Variants in SRRM4 observed in about 807,000 individuals in gnomAD.
SRRM4 encodes the protein serine/arginine repetitive matrix protein 4.
A neutral mutation model predicts 68.9 loss-of-function variants in SRRM4; 33 were observed. The ratio of observed to expected loss-of-function variants is 0.48; its 90% CI spans 0.36 to 0.64. The LOEUF is 0.64. Ranked by LOEUF, SRRM4 falls within the 30% of genes least tolerant of loss-of-function variation. The pLI is 0.00. For synonymous variants in SRRM4, 318 were observed against 318.8 expected (o/e 1.00, Z 0.03); for missense variants, 817 against 827.1 (o/e 0.99, Z 0.15).
intron 1 of SRRM4, among the ~76,000 whole-genome samples, chr12:119,053,953 TG>T (rs1189855038): frequency 6.6e-6 from 1 of 152,192 alleles, no homozygotes; most frequent in Non-Finnish European, 1.5e-5. Flanking sequence ...GTCACCCCAT[TG>T]TGCTGTCAAA....
chr12:119,041,141 A>C (rs75013747), intron 1 of SRRM4, among the ~76,000 whole-genome samples: 5,692 of 152,238 alleles, frequency 0.037, 189 homozygotes, highest in East Asian at 0.14. Flanking sequence ...AATTCTGTGA[A>C]AGGTACTCGT....
intron 1 of SRRM4, among the ~76,000 whole-genome samples, chr12:118,982,541 T>A (rs1192593998): frequency 6.6e-6 from 1 of 152,130 alleles, no homozygotes; most frequent in Non-Finnish European, 1.5e-5. Context: ...CCTCCACGCC[T>A]TTCTGGCGGC....
At position 119,125,415 on chromosome 12, in the gene SRRM4, C is replaced by A; in HGVS notation, c.550C>A (p.Arg184Ser). ...CCGGCCCCGAAAGTCTCACCGCCAC[C>A]GCCATCACCGCTGCCCCTCGCGGTC... ...RSRPRKSHRH[R>S]HHRCPSRSQS... Residue 184 changes from arginine to serine, a missense_variant, in exon 7 of 13, where the codon CGC (arginine) becomes AGC (serine). Arg to Ser is a moderately radical substitution (Grantham distance 110). Transcript: ENST00000267260. The A allele has an allele frequency of 6.2e-7, 1 of 1,613,668 alleles. No individual in the cohort carries two copies. Among genetic ancestry groups the A allele is most frequent in the Non-Finnish European group, 8.5e-7 (1 of 1,179,754 alleles).
At chr12:119,038,243 C>T (rs984033973) in intron 1 of SRRM4, among the ~76,000 whole-genome samples, 1 of 145,680 alleles carries the variant, frequency 6.9e-6, no homozygotes, top group South Asian at 2.1e-4. Flanking sequence ...CTCTCTCTGT[C>T]GCCCAGGCTG....
At chr12:119,132,783 C>G (rs887472842) in intron 8 of SRRM4, among the ~76,000 whole-genome samples, 5 of 152,090 alleles carry the variant, frequency 3.3e-5, no homozygotes, top group African/African-American at 1.2e-4. Flanking sequence ...GCCTAATGCT[C>G]TGATTACTAA....
At chr12:119,017,187 C>T (rs1235325141) in intron 1 of SRRM4, among the ~76,000 whole-genome samples, 1 of 152,224 alleles carries the variant, frequency 6.6e-6, no homozygotes, top group Non-Finnish European at 1.5e-5. Flanking sequence ...CACAGGGTAG[C>T]TGATTGATAA....
intron 1 of SRRM4, among the ~76,000 whole-genome samples, chr12:119,032,540 T>G (rs1594035662): frequency 1.4e-5 from 2 of 141,198 alleles, no homozygotes; most frequent in Non-Finnish European, 3.2e-5. Context: ...TTGTGGCCCA[T>G]TTCTCTCTTT....
rs78503010 is a variant in SRRM4, at chr12:119,071,795, T to C, written c.132-30441T>C. ...ATGCCGCACGCCGTTGTCACTGTTG[T>C]TACTTTTCAACAAAGGTCTTGGCAC... is the stretch of plus-strand genomic sequence containing the variant. On this transcript the variant is annotated intron_variant, in intron 1 of 12. Coordinates refer to ENST00000267260, the MANE Select transcript of SRRM4 (RefSeq NM_194286.4). Among the ~76,000 whole-genome samples the C allele has an allele frequency of 7.7e-3, 1,174 of 152,334 alleles. 27 individuals are homozygous for C. Among genetic ancestry groups the C allele is most frequent in the Admixed American group, 0.052 (794 of 15,302 alleles).
intron 1 of SRRM4, among the ~76,000 whole-genome samples, chr12:119,093,660 G>A (rs1954027537): frequency 1.3e-5 from 2 of 152,262 alleles, no homozygotes; most frequent in Middle Eastern, 6.8e-3. Context: ...ACACAACTTA[G>A]CAGAATCAGG....
intron 1 of SRRM4, among the ~76,000 whole-genome samples, chr12:119,082,886 G>A (rs922295418): frequency 5.3e-5 from 8 of 152,192 alleles, no homozygotes; most frequent in African/African-American, 1.9e-4. Flanking sequence ...TTTGGACTTG[G>A]GGACTTTAGC....
chr12:119,011,518 C>T (rs891573117), intron 1 of SRRM4, among the ~76,000 whole-genome samples: 1 of 152,180 alleles, frequency 6.6e-6, no homozygotes, highest in African/African-American at 2.4e-5. Flanking sequence ...TCTAGAGATA[C>T]ATTTCCATCT....
At chr12:119,076,060 G>A (rs371130321) in intron 1 of SRRM4, among the ~76,000 whole-genome samples, 1 of 151,634 alleles carries the variant, frequency 6.6e-6, no homozygotes. Flanking sequence ...TGATGGTGAT[G>A]GTAGTAATGG....
rs567639304 is a variant in SRRM4, at chr12:119,156,784, A to G, written c.1822A>G (p.Ser608Gly). 185 of 1,534,690 alleles carry G rather than the reference A, an allele frequency of 1.2e-4. 2 individuals are homozygous for G. In the South Asian group the frequency reaches 2.1e-3, roughly 17 times the overall value. ...CTACAGCTCAGCAGACAGCTACTCC[A>G]GCACGAGGCGCTAAGTGCCCCTGAG... ...RSYSSADSYS[S>G]TRR is the part of the protein sequence containing the mutation. Residue 608 changes from serine (S) to glycine (G), a missense_variant, in exon 13 of 13, where the codon AGC (serine) becomes GGC (glycine). Coordinates refer to ENST00000267260, the MANE Select transcript of SRRM4 (RefSeq NM_194286.4).
intron 8 of SRRM4, among the ~76,000 whole-genome samples, chr12:119,142,894 T>A (rs1198035266): frequency 6.6e-6 from 1 of 152,140 alleles, no homozygotes; most frequent in Non-Finnish European, 1.5e-5. Flanking sequence ...AGATGTGGCA[T>A]CTAAAATGCA....
intron 1 of SRRM4, among the ~76,000 whole-genome samples, chr12:119,020,051 C>T (rs1376415143): frequency 1.4e-5 from 2 of 147,152 alleles, no homozygotes; most frequent in Non-Finnish European, 3.0e-5. Context: ...TTTGCTTTCT[C>T]TGGGTGGCAC....
intron 1 of SRRM4, among the ~76,000 whole-genome samples, chr12:118,987,396 C>T (rs1953289375): frequency 6.6e-6 from 1 of 152,152 alleles, no homozygotes; most frequent in South Asian, 2.1e-4. Flanking sequence ...TGCTTGGGTT[C>T]TGTGGACTGG....
Position 119,130,817 on chromosome 12 carries a change from C to T in SRRM4, c.754C>T (p.Leu252=). The change falls in exon 8 of 13, where the codon CTG becomes TTG. Residue 252 remains leucine, a synonymous_variant. Coordinates refer to ENST00000267260, the MANE Select transcript of SRRM4 (RefSeq NM_194286.4). ...TCAACCCCTCCAGATGCTTGGCTAC[C>T]TGTCAGCCAGGGGTGTAGTAAGTAT... The part of the protein sequence containing the change: ...PSQPLQMLGY[L]SARGVITGSG... The T allele has an allele frequency of 6.2e-7, 1 of 1,605,690 alleles. No individual in the cohort carries two copies. The highest frequency in any genetic ancestry group is 8.5e-7 in the Non-Finnish European group (1 of 1,179,664).
chr12:119,040,306 G>C (rs919922043), intron 1 of SRRM4, among the ~76,000 whole-genome samples: 3 of 152,128 alleles, frequency 2.0e-5, no homozygotes, highest in Non-Finnish European at 2.9e-5. Flanking sequence ...CACCCGAGCA[G>C]TATACACTGC....
intron 1 of SRRM4, among the ~76,000 whole-genome samples, chr12:118,999,005 A>G (rs1953367172): frequency 6.6e-6 from 1 of 152,202 alleles, no homozygotes; most frequent in South Asian, 2.1e-4. Context: ...TAAGTACACA[A>G]TAAATATTTG....
Sources: gnomAD v4.1 joint callset for allele counts (sites outside exome capture counted in the v4.1 genomes callset) on GRCh38, gnomAD v4.1.1 for gene constraint, MANE v1.5 for transcripts, NCBI Gene and HGNC (gene_info 2026-07-23, HGNC 2026-07-21) for gene names.